The following MDGA2 variants were observed in gnomAD, a reference collection of about 807,000 sequenced individuals.
MDGA2 encodes the protein MAM domain containing glycosylphosphatidylinositol anchor 2, also known as MAM domain-containing glycosylphosphatidylinositol anchor protein 2.
MDGA2 carries 40 observed loss-of-function variants against 117.8 expected under a neutral mutation model. The ratio of observed to expected loss-of-function variants is 0.34; its 90% CI spans 0.26 to 0.44. MDGA2 has a LOEUF of 0.44. Among genes scored for constraint, MDGA2 ranks in the 20% least tolerant of loss-of-function variants. The pLI is 1.00. For missense variants in MDGA2, 1,123 were observed against 1,250.6 expected (o/e 0.90, Z 1.54); for synonymous variants, 452 against 439.0 (o/e 1.03, Z -0.37).
intron 1 of MDGA2, among the ~76,000 whole-genome samples, chr14:47,642,288 C>G (rs1433130937): frequency 6.6e-6 from 1 of 152,026 alleles, no homozygotes; most frequent in Non-Finnish European, 1.5e-5. Flanking sequence ...TTAACTGAAT[C>G]AGTATTCCCA....
intron 1 of MDGA2, chr14:47,626,649 G>A (rs1897147998): frequency 1.3e-5 from 2 of 152,590 alleles, no homozygotes; most frequent in South Asian, 2.1e-4. Context: ...CCCGCACTGG[G>A]AGCGGCCGGC....
chr14:47,473,323 A>C (rs1462088366), intron 1 of MDGA2, among the ~76,000 whole-genome samples: 1 of 152,172 alleles, frequency 6.6e-6, no homozygotes, highest in Non-Finnish European at 1.5e-5. Flanking sequence ...AAAATATGCC[A>C]TGGATGTAAC....
intron 8 of MDGA2, among the ~76,000 whole-genome samples, chr14:46,971,496 G>A (rs1357176821): frequency 6.6e-6 from 1 of 152,062 alleles, no homozygotes; most frequent in Non-Finnish European, 1.5e-5. Context: ...ATATGTGAGA[G>A]ATTAAAAAAT....
Position 47,172,992 on chromosome 14 carries a change from T to C in MDGA2, c.596-28718A>G, listed in dbSNP as rs534320292. Among the ~76,000 whole-genome samples, 489 of 152,090 alleles carry C rather than the reference T, an allele frequency of 3.2e-3. 6 individuals are homozygous for C. The highest frequency in any genetic ancestry group is 0.01 in the African/African-American group (435 of 41,484). On this transcript the variant is annotated intron_variant, in intron 3 of 16. Transcript: ENST00000399232. ...GCTGAAAGCCAAGGCTCGAGAACTA[T>C]GTGAAGAATGCAGAAGCCCCAGGAG...
chr14:46,893,963 G>A (rs1262316963), intron 10 of MDGA2, among the ~76,000 whole-genome samples: 2 of 151,900 alleles, frequency 1.3e-5, no homozygotes, highest in Admixed American at 6.6e-5. Context: ...GAAAGGCTGA[G>A]CCTTTAATGG....
intron 2 of MDGA2, among the ~76,000 whole-genome samples, chr14:47,291,775 G>T: frequency 6.6e-6 from 1 of 152,166 alleles, no homozygotes; most frequent in Non-Finnish European, 1.5e-5. Flanking sequence ...TCTGCTGAAT[G>T]CTTATGACTT....
chr14:47,076,558 TTA>T (rs541488197), intron 6 of MDGA2, among the ~76,000 whole-genome samples: 3,462 of 84,114 alleles, frequency 0.041, 130 homozygotes, highest in African/African-American at 0.16. Flanking sequence ...TGAGTGTGTG[TTA>T]TGTGTGTGTG....
chr14:46,870,692 A>G (rs1881959967), intron 14 of MDGA2, among the ~76,000 whole-genome samples: 1 of 151,996 alleles, frequency 6.6e-6, no homozygotes, highest in South Asian at 2.1e-4. Flanking sequence ...ATGTTTGCCA[A>G]GAAATGGAGA....
intron 7 of MDGA2, 21 bp downstream of exon 7, chr14:47,061,228 T>G (rs1889870058): frequency 6.3e-7 from 1 of 1,576,056 alleles, no homozygotes; most frequent in African/African-American, 1.3e-5. Flanking sequence ...ATCTTTTACA[T>G]CATAAATATA....
At chr14:47,062,503 T>C (rs200304654) in intron 6 of MDGA2, among the ~76,000 whole-genome samples, 20,819 of 151,358 alleles carry the variant, frequency 0.14, 1,574 homozygotes, top group East Asian at 0.31. Flanking sequence ...ATTTTTCTTT[T>C]TTTTTTTTTT....
At chr14:47,182,904 T>A (rs1410503488) in intron 3 of MDGA2, among the ~76,000 whole-genome samples, 1 of 152,122 alleles carries the variant, frequency 6.6e-6, no homozygotes, top group Non-Finnish European at 1.5e-5. Context: ...GTTTCTCAGG[T>A]GTGTTCTCAC....
intron 14 of MDGA2, among the ~76,000 whole-genome samples, chr14:46,863,113 T>C (rs1388021486): frequency 2.6e-5 from 4 of 152,082 alleles, no homozygotes; most frequent in Non-Finnish European, 2.9e-5. Flanking sequence ...GTATTCTCCA[T>C]TGTCATACAT....
intron 5 of MDGA2, among the ~76,000 whole-genome samples, chr14:47,110,264 G>A (rs759062148): frequency 3.3e-5 from 5 of 151,898 alleles, no homozygotes; most frequent in East Asian, 1.9e-4. Flanking sequence ...TAACTCAGCC[G>A]AATGTTGACT....
chr14:47,088,690 A>G (rs1431315944), intron 6 of MDGA2, among the ~76,000 whole-genome samples: 1 of 152,202 alleles, frequency 6.6e-6, no homozygotes, highest in African/African-American at 2.4e-5. Context: ...ATACCTTTCA[A>G]CAAAAACAGT....
At chr14:47,030,786 T>G (rs1434670832) in intron 8 of MDGA2, among the ~76,000 whole-genome samples, 1 of 152,180 alleles carries the variant, frequency 6.6e-6, no homozygotes, top group Non-Finnish European at 1.5e-5. Flanking sequence ...CAGAAAAACC[T>G]TTTAAGTTTA....
intron 8 of MDGA2, among the ~76,000 whole-genome samples, chr14:46,999,611 A>G (rs1272704114): frequency 6.6e-6 from 1 of 152,128 alleles, no homozygotes; most frequent in Non-Finnish European, 1.5e-5. Context: ...ATAAACATGA[A>G]TCCATCATTA....
chr14:47,016,106 T>A (rs926151857), intron 8 of MDGA2, among the ~76,000 whole-genome samples: 5 of 152,100 alleles, frequency 3.3e-5, no homozygotes, highest in Non-Finnish European at 7.4e-5. Flanking sequence ...TAATTGTATT[T>A]TTTTACAAGT....
intron 2 of MDGA2, among the ~76,000 whole-genome samples, chr14:47,289,039 G>A (rs1411047906): frequency 2.0e-5 from 3 of 151,998 alleles, no homozygotes; most frequent in African/African-American, 7.2e-5. Flanking sequence ...GAAGCAGATA[G>A]GCAGTATTTT....
intron 8 of MDGA2, among the ~76,000 whole-genome samples, chr14:46,963,663 A>G (rs1885899641): frequency 6.6e-6 from 1 of 152,180 alleles, no homozygotes; most frequent in Non-Finnish European, 1.5e-5. Context: ...TAGGAAGCCC[A>G]TCTTTGATGA....
Sources: allele counts gnomAD v4.1 joint callset (sites outside exome capture counted in the v4.1 genomes callset), GRCh38; gene constraint gnomAD v4.1.1; transcripts MANE v1.5; gene names NCBI Gene and HGNC (gene_info 2026-07-23, HGNC 2026-07-21).